ARID3A: variants seen among roughly 807,000 people sequenced by gnomAD.
ARID3A encodes the protein AT-rich interaction domain 3A.
Under a neutral mutation model 52.7 loss-of-function variants are expected in ARID3A, and 11 were observed. The ratio of observed to expected loss-of-function variants is 0.21; its 90% CI spans 0.13 to 0.35. ARID3A has a LOEUF of 0.35. Ranked by LOEUF, ARID3A falls within the 10% of genes least tolerant of loss-of-function variation. ARID3A has a pLI of 1.00. For synonymous variants in ARID3A, 404 were observed against 359.4 expected (o/e 1.12, Z -1.40); for missense variants, 721 against 838.5 (o/e 0.86, Z 1.73).
Position 964,388 on chromosome 19 carries a change from C to T in ARID3A, c.907C>T (p.Leu303=), listed in dbSNP as rs771451243. 2 of 1,611,688 alleles carry T rather than the reference C, an allele frequency of 1.2e-6. No homozygotes were observed. Among genetic ancestry groups the T allele is most frequent in the Non-Finnish European group, 1.7e-6 (2 of 1,178,826 alleles). ...GCGTGAGATCACCAAGGGCCTCAAC[C>T]TGCCCACGTCCATCACCAGTGCAGC... ...LWREITKGLN[L]PTSITSAAFT... The change falls in exon 5 of 9, where the codon CTG becomes TTG. Residue 303 remains leucine (L), a synonymous_variant. Coordinates refer to ENST00000263620, the MANE Select transcript of ARID3A (RefSeq NM_005224.3). The surrounding 1 kb of genome is among the most constrained non-coding windows in gnomAD (Gnocchi z 5.7).
chr19:966,880 G>A lies in ARID3A; in HGVS notation c.1495+12G>A, dbSNP rs752650915. 4.1e-5 allele frequency: 65 copies of A among 1,594,584 alleles called. No homozygotes were observed. The highest frequency in any genetic ancestry group is 1.1e-4 in the East Asian group (5 of 44,494). On this transcript the variant is annotated intron_variant, in intron 7 of 8. Transcript: ENST00000263620. ...GATCAACAGCCAAGGTACTGCCCTC[G>A]TGCCCAGACCCGCTGTGCTTCCTGC...
chr19:946,119 G>A (rs898646751), intron 3 of ARID3A, among the ~76,000 whole-genome samples: 8 of 152,320 alleles, frequency 5.3e-5, no homozygotes, highest in Non-Finnish European at 7.3e-5. Context: ...TGGGCTGGCC[G>A]GTCTGGGGGG....
At chr19:956,780 A>G (rs2037926460) in intron 3 of ARID3A, 1 of 152,482 alleles carries the variant, frequency 6.6e-6, no homozygotes. Flanking sequence ...CTGGGCCTCC[A>G]ATACACAGAC....
At chr19:969,127 G>T (rs935164748) in intron 8 of ARID3A, among the ~76,000 whole-genome samples, 8 of 151,760 alleles carry the variant, frequency 5.3e-5, no homozygotes, top group African/African-American at 7.3e-5. Flanking sequence ...TTTTTAATTT[G>T]TAATTTGTAA....
At position 972,990 on chromosome 19, in the gene ARID3A, G is replaced by A. The variant is rs2038311802; in HGVS notation, c.*925G>A. The stretch of plus-strand genomic sequence containing the variant: ...GGCCGGGCTGGGGCAGAGGGTGCAT[G>A]CTGGGGTCCCACCGGCCAGGGGCCC... On this transcript the variant is annotated 3_prime_UTR_variant, in exon 9 of 9. Transcript: ENST00000263620. The A allele has an allele frequency of 9.6e-6, 2 of 207,292 alleles. No individual in the cohort carries two copies. The highest frequency in any genetic ancestry group is 1.4e-4 in the East Asian group (2 of 14,168). 12.8% of individuals were successfully genotyped at this position (207,292 alleles called of 1,614,324 possible).
At position 938,059 on chromosome 19, in the gene ARID3A, G is replaced by A. The variant is rs1305910397; in HGVS notation, c.693+5317G>A. On this transcript the variant is annotated intron_variant, in intron 3 of 8. Transcript: ENST00000263620. The surrounding 1 kb of genome is among the most constrained non-coding windows in gnomAD (Gnocchi z 4.0). Reference sequence around the variant, plus strand: ...GGGTTTCACCGTGTTGGGCAGGGTGGTCTTGAACTCCCAACCTCAGGTGAT... The same window carrying A: ...GGGTTTCACCGTGTTGGGCAGGGTGATCTTGAACTCCCAACCTCAGGTGAT... Among the ~76,000 whole-genome samples, 1 of 151,672 alleles carries A rather than the reference G, an allele frequency of 6.6e-6. No individual in the cohort carries two copies. The highest frequency in any genetic ancestry group is 2.4e-5 in the African/African-American group (1 of 41,266).
chr19:948,629 G>A (rs12982131), intron 3 of ARID3A, among the ~76,000 whole-genome samples: 2,504 of 151,372 alleles, frequency 0.017, 66 homozygotes, highest in African/African-American at 0.057. Context: ...CTTCATTCCT[G>A]CCTCATCTGT....
intron 3 of ARID3A, among the ~76,000 whole-genome samples, chr19:946,489 A>G (rs189494331): frequency 2.2e-3 from 206 of 94,782 alleles, no homozygotes; most frequent in Non-Finnish European, 3.2e-3. Context: ...CTCCCAGGCT[A>G]GAGTGCGGTG....
chr19:943,334 C>T (rs952192650), intron 3 of ARID3A, among the ~76,000 whole-genome samples: 5 of 151,112 alleles, frequency 3.3e-5, no homozygotes, highest in Non-Finnish European at 4.4e-5. Context: ...TTTGGGAGGC[C>T]GAGGAGGGCG....
intron 6 of ARID3A, 170 bp downstream of exon 6, chr19:965,250 C>A: frequency 1.4e-6 from 1 of 731,212 alleles, no homozygotes; most frequent in South Asian, 2.2e-5. Context: ...CAGACATTAC[C>A]AATCCATCAC....
chr19:945,439 G>C (rs1401444302), intron 3 of ARID3A, among the ~76,000 whole-genome samples: 1 of 151,756 alleles, frequency 6.6e-6, no homozygotes, highest in Non-Finnish European at 1.5e-5. Flanking sequence ...GAGGTGTCCA[G>C]GGCGGCCCCA....
intron 8 of ARID3A, chr19:968,718 G>T: frequency 1.9e-6 from 1 of 513,800 alleles, no homozygotes; most frequent in East Asian, 3.2e-5. Context: ...GTCGTCCACA[G>T]ATACATATTC....
In ARID3A at chr19:933,854, G is replaced by GT. The variant is rs1175481501; in HGVS notation, c.693+1112_693+1113insT. On this transcript the variant is annotated intron_variant, in intron 3 of 8. Coordinates refer to ENST00000263620, the MANE Select transcript of ARID3A (RefSeq NM_005224.3). ...CAGCGGCGGGGACTCGGTGGGGGGG[G>GT]GGGGCGTCTCGCTGATTCCACCCTG... is the stretch of plus-strand genomic sequence containing the variant. 5.6e-4 allele frequency among the ~76,000 whole-genome samples: 83 copies of GT among 148,882 alleles called. 3 individuals carry two copies. The highest frequency in any genetic ancestry group is 1.1e-3 in the Non-Finnish European group (72 of 66,660).
intron 3 of ARID3A, among the ~76,000 whole-genome samples, chr19:943,673 G>T (rs2037606451): frequency 6.6e-6 from 1 of 152,188 alleles, no homozygotes; most frequent in Non-Finnish European, 1.5e-5. Flanking sequence ...ACAAGCCAAG[G>T]ACACCTGGAG....
intron 3 of ARID3A, among the ~76,000 whole-genome samples, chr19:954,377 A>ACAGAGGGGAGGGGACCCCCT: frequency 6.6e-6 from 1 of 152,342 alleles, no homozygotes; most frequent in East Asian, 1.9e-4. Context: ...CAGGAAGTGG[A>ACAGAGGGGAGGGGACCCCCT]CAGAGGGGAG....
In ARID3A at chr19:959,750, G is replaced by A. The variant is rs1425429272; in HGVS notation, c.694-342G>A. ...GACGGGGAGACGGTCTTGTGGAGAC[G>A]GAGGCAGAGACTGGAGCGCTGCGGC... is the stretch of plus-strand genomic sequence containing the variant. On this transcript the variant is annotated intron_variant, in intron 3 of 8. Coordinates refer to ENST00000263620, the MANE Select transcript of ARID3A (RefSeq NM_005224.3). The surrounding 1 kb of genome is among the most constrained non-coding windows in gnomAD (Gnocchi z 5.0). 6.6e-6 allele frequency among the ~76,000 whole-genome samples: 1 copy of A among 151,630 alleles called. No individual in the cohort carries two copies. Among genetic ancestry groups the A allele is most frequent in the Non-Finnish European group, 1.5e-5 (1 of 67,802 alleles).
intron 2 of ARID3A, among the ~76,000 whole-genome samples, chr19:932,095 A>G (rs1196547902): frequency 3.3e-5 from 5 of 151,982 alleles, no homozygotes; most frequent in African/African-American, 1.2e-4. Flanking sequence ...TCCTGGGCTC[A>G]AGGGATCCTC....
intron 3 of ARID3A, among the ~76,000 whole-genome samples, chr19:958,761 C>G (rs369200054): frequency 6.6e-6 from 1 of 151,918 alleles, no homozygotes; most frequent in East Asian, 1.9e-4. Flanking sequence ...GGCGTGGTGG[C>G]GGGCGCCTGT....
At chr19:931,576 G>C (rs1380797859) in intron 2 of ARID3A, among the ~76,000 whole-genome samples, 2 of 152,290 alleles carry the variant, frequency 1.3e-5, no homozygotes, top group South Asian at 4.1e-4. Flanking sequence ...ACTTTGGGAG[G>C]CCGAGGTGGG....
Sources: allele counts gnomAD v4.1 joint callset (sites outside exome capture counted in the v4.1 genomes callset), GRCh38; gene constraint gnomAD v4.1.1; non-coding constraint Gnocchi (gnomAD v3.1); transcripts MANE v1.5; gene names NCBI Gene and HGNC (gene_info 2026-07-23, HGNC 2026-07-21).